Variants in IL5RA observed in about 807,000 individuals in gnomAD.
IL5RA encodes interleukin-5 receptor subunit alpha.
Under a neutral mutation model 50.0 loss-of-function variants are expected in IL5RA, and 49 were observed. The ratio of observed to expected loss-of-function variants is 0.98; its 90% CI spans 0.78 to 1.24. IL5RA has a LOEUF of 1.24. IL5RA is among the 50% of genes most tolerant of loss of function. The pLI, the probability that IL5RA is intolerant of heterozygous loss-of-function variation, is 0.00. For missense variants in IL5RA, 600 were observed against 500.4 expected, an observed-to-expected ratio of 1.20 and a Z score of -1.90; for synonymous variants, 202 against 174.0, an observed-to-expected ratio of 1.16 and a Z score of -1.26.
intron 9 of IL5RA, among the ~76,000 whole-genome samples, chr3:3,082,486 G>A (rs184547729): frequency 2.6e-5 from 4 of 152,350 alleles, no homozygotes; most frequent in Non-Finnish European, 5.9e-5. Flanking sequence ...ATTCCTGGGT[G>A]CTTTTTAGGC....
chr3:3,076,112 T>C (rs936915480), intron 10 of IL5RA, among the ~76,000 whole-genome samples: 4 of 152,092 alleles, frequency 2.6e-5, no homozygotes, highest in Non-Finnish European at 5.9e-5. Flanking sequence ...CCTGGTGACT[T>C]GATAGCTGAG....
At chr3:3,086,089 A>G (rs534245260) in intron 9 of IL5RA, among the ~76,000 whole-genome samples, 2 of 152,138 alleles carry the variant, frequency 1.3e-5, no homozygotes, top group Non-Finnish European at 1.5e-5. Flanking sequence ...GCAAAACTCC[A>G]TCGTTTCTTT....
intron 1 of IL5RA, among the ~76,000 whole-genome samples, chr3:3,109,133 C>G (rs546482641): frequency 6.6e-6 from 1 of 152,034 alleles, no homozygotes; most frequent in Non-Finnish European, 1.5e-5. Flanking sequence ...CGCTCTGTCT[C>G]TCCTTTTTCC....
At chr3:3,080,544 G>A (rs1702627813) in intron 9 of IL5RA, among the ~76,000 whole-genome samples, 2 of 152,306 alleles carry the variant, frequency 1.3e-5, no homozygotes, top group South Asian at 4.1e-4. Context: ...GGGAAGCCCT[G>A]TTCTATTGTT....
chr3:3,101,654 C>A (rs377061323), intron 5 of IL5RA, 38 bp downstream of exon 5: 136 of 1,597,278 alleles, frequency 8.5e-5, no homozygotes, highest in Non-Finnish European at 1.1e-4. Context: ...TTGCAAAGTC[C>A]AAAACATACA....
At chr3:3,072,194 G>A (rs899662343) in intron 11 of IL5RA, among the ~76,000 whole-genome samples, 1 of 152,218 alleles carries the variant, frequency 6.6e-6, no homozygotes, top group Non-Finnish European at 1.5e-5. Context: ...AGGCAGCTCT[G>A]CACTGGCTCT....
intron 11 of IL5RA, among the ~76,000 whole-genome samples, chr3:3,070,575 C>CTTTTTTTTTTT (rs71058670): frequency 2.4e-5 from 2 of 84,918 alleles, no homozygotes; most frequent in African/African-American, 5.4e-5. Context: ...GGATACACAT[C>CTTTTTTTTTTT]TTTTTTTTTT....
intron 10 of IL5RA, among the ~76,000 whole-genome samples, chr3:3,075,926 G>A (rs997222093): frequency 2.2e-4 from 34 of 152,230 alleles, no homozygotes; most frequent in Middle Eastern, 3.4e-3. Context: ...TCTAAATTAT[G>A]AAAGGGCCAA....
chr3:3,084,822 C>T (rs1490505233), intron 9 of IL5RA, among the ~76,000 whole-genome samples: 1 of 152,252 alleles, frequency 6.6e-6, no homozygotes, highest in Non-Finnish European at 1.5e-5. Flanking sequence ...ATTAGGAAAT[C>T]ATGTGTGTGA....
chr3:3,073,629 A>T lies in IL5RA; in HGVS notation c.1176+1153T>A, dbSNP rs879858773. 1.0e-5 allele frequency: 3 copies of T among 300,770 alleles called. No homozygotes were observed. In the East Asian group the frequency reaches 2.9e-4, roughly 29 times the overall value. The allele number at this position is 300,770 out of a possible 1,614,324, so 18.6% of individuals were successfully genotyped here. A position where few individuals can be genotyped will look rare whatever the true frequency, so the allele number is the denominator to read the frequency against. On this transcript the variant is annotated intron_variant, in intron 11 of 11. Transcript: ENST00000446632. ...AAGTGCAATAATCATACACTGAAAAATCACAAACCATTGCTGAGAGAAGGT... is the reference window on the plus strand; with the variant it reads ...AAGTGCAATAATCATACACTGAAAATTCACAAACCATTGCTGAGAGAAGGT...
At chr3:3,088,723 T>C (rs1290448543) in intron 9 of IL5RA, among the ~76,000 whole-genome samples, 2 of 152,222 alleles carry the variant, frequency 1.3e-5, no homozygotes, top group South Asian at 2.1e-4. Context: ...TCCATCATCT[T>C]GGTTTAAGTT....
At chr3:3,108,174 G>A (rs1412081282) in intron 2 of IL5RA, among the ~76,000 whole-genome samples, 3 of 152,090 alleles carry the variant, frequency 2.0e-5, no homozygotes, top group South Asian at 2.1e-4. Flanking sequence ...TCTCTTGGGG[G>A]ATGAAGAATA....
intron 3 of IL5RA, among the ~76,000 whole-genome samples, chr3:3,103,954 A>G (rs962967200): frequency 2.0e-5 from 3 of 152,200 alleles, no homozygotes; most frequent in Non-Finnish European, 4.4e-5. Flanking sequence ...CATGTTTACC[A>G]CATGAGGACT....
rs1702242515 is a variant in IL5RA at position 3,069,987 on chromosome 3, G to GA, written c.*237dup. On this transcript the variant is annotated 3_prime_UTR_variant, in exon 12 of 12. Transcript: ENST00000446632. ...GGTGCTACCCTGTACGGCATGGGGA[G>GA]AAAAAACATGGCAAAATGCTTGGAT... 7 of 434,908 alleles carry GA rather than the reference G, an allele frequency of 1.6e-5. No homozygotes were observed. Among genetic ancestry groups the GA allele is most frequent in the South Asian group, 1.2e-4 (3 of 24,596 alleles). 26.9% of individuals were successfully genotyped at this position (434,908 alleles called of 1,614,324 possible).
At chr3:3,094,918 G>A (rs898186974) in intron 8 of IL5RA, among the ~76,000 whole-genome samples, 47 of 152,052 alleles carry the variant, frequency 3.1e-4, no homozygotes, top group African/African-American at 1.1e-3. Flanking sequence ...GTAGAGATGG[G>A]GTTTCACCAT....
intron 9 of IL5RA, among the ~76,000 whole-genome samples, chr3:3,088,443 C>T (rs1254260939): frequency 3.9e-5 from 6 of 152,198 alleles, no homozygotes; most frequent in African/African-American, 4.8e-5. Flanking sequence ...TTCTGACAAT[C>T]TAAATTTAGC....
At chr3:3,079,653 G>C (rs1009184443) in intron 9 of IL5RA, among the ~76,000 whole-genome samples, 1 of 152,162 alleles carries the variant, frequency 6.6e-6, no homozygotes, top group East Asian at 1.9e-4. Flanking sequence ...TCCTTCCCCA[G>C]CCAGCACCTT....
chr3:3,088,695 A>G (rs1702972156), intron 9 of IL5RA, among the ~76,000 whole-genome samples: 1 of 152,176 alleles, frequency 6.6e-6, no homozygotes, highest in Admixed American at 6.5e-5. Flanking sequence ...CTTCTTATCT[A>G]GGATTCTGAC....
In IL5RA at chr3:3,105,083, T is replaced by C; in HGVS notation, c.-3-96A>G. ...AACATAAAATGCAGTCGTTTGGCCATTTAACAGACATTTATGGCATATTTG... is the reference window on the plus strand; with the variant it reads ...AACATAAAATGCAGTCGTTTGGCCACTTAACAGACATTTATGGCATATTTG... On this transcript the variant is annotated intron_variant, in intron 2 of 11. Transcript: ENST00000446632. 6.6e-6 allele frequency: 5 copies of C among 759,722 alleles called. 1 individual carries two copies. The South Asian group carries it at 8.2e-5, about 12-fold the overall frequency. The allele number at this position is 759,722 out of a possible 1,614,324, so 47.1% of individuals were successfully genotyped here.
Sources: allele counts gnomAD v4.1 joint callset (sites outside exome capture counted in the v4.1 genomes callset), GRCh38; gene constraint gnomAD v4.1.1; transcripts MANE v1.5; gene names NCBI Gene and HGNC (gene_info 2026-07-23, HGNC 2026-07-21).